CNTN4: variants seen among roughly 807,000 people sequenced by gnomAD.
The protein encoded by CNTN4 is contactin 4, also known as contactin-4.
A neutral mutation model predicts 122.5 loss-of-function variants in CNTN4; 77 were observed. The observed-to-expected ratio is 0.63, with a 90% CI of 0.52 to 0.76. CNTN4 has a LOEUF of 0.76. Among genes scored for constraint, CNTN4 ranks in the 30% least tolerant of loss-of-function variants. The probability of loss-of-function intolerance (pLI) is 0.00; values close to 1 mark genes in which losing one functional copy is unlikely to be tolerated. For missense variants in CNTN4, 1,256 were observed against 1,259.1 expected, an observed-to-expected ratio of 1.00 and a Z score of 0.04; for synonymous variants, 512 against 447.0, an observed-to-expected ratio of 1.15 and a Z score of -1.83.
chr3:2,112,925 A>G (rs1203945993), intron 2 of CNTN4, among the ~76,000 whole-genome samples: 2 of 152,062 alleles, frequency 1.3e-5, no homozygotes, highest in Non-Finnish European at 2.9e-5. Context: ...ATGCCCTAGT[A>G]TTCTCCCCTG....
At chr3:2,888,156 T>G (rs1322849707) in intron 10 of CNTN4, among the ~76,000 whole-genome samples, 1 of 152,228 alleles carries the variant, frequency 6.6e-6, no homozygotes, top group Non-Finnish European at 1.5e-5. Flanking sequence ...CAAAGCATTT[T>G]GGTTTTAAGA....
At chr3:2,126,387 G>A (rs925366993) in intron 2 of CNTN4, among the ~76,000 whole-genome samples, 10 of 152,118 alleles carry the variant, frequency 6.6e-5, no homozygotes, top group South Asian at 2.1e-4. Context: ...ATATATGAAT[G>A]AATTCTAATT....
At position 2,340,710 on chromosome 3, in the gene CNTN4, T is replaced by TATATATAGAGAGAGAGAGAGAG; in HGVS notation, c.-89+1478_-89+1479insTATATAGAGAGAGAGAGAGAGA. On this transcript the variant is annotated intron_variant, in intron 3 of 24. Transcript: ENST00000418658. ...TTATATATATATATATATATATATA[T>TATATATAGAGAGAGAGAGAGAG]AGAGAGAGAGAGAGAGAGAGAGAGA... Among the ~76,000 whole-genome samples, 7 of 18,304 alleles carry TATATATAGAGAGAGAGAGAGAG rather than the reference T, an allele frequency of 3.8e-4. 1 individual carries two copies. Among genetic ancestry groups the TATATATAGAGAGAGAGAGAGAG allele is most frequent in the Non-Finnish European group, 9.7e-4 (6 of 6,158 alleles). 12.0% of individuals were successfully genotyped at this position (18,304 alleles called of 152,430 possible).
chr3:2,582,595 T>G (rs908729331), intron 4 of CNTN4, among the ~76,000 whole-genome samples: 1 of 152,186 alleles, frequency 6.6e-6, no homozygotes, highest in Non-Finnish European at 1.5e-5. Context: ...GAGTGAACTC[T>G]CTCATGTTAA....
intron 2 of CNTN4, among the ~76,000 whole-genome samples, chr3:2,176,167 T>G (rs1046568005): frequency 6.6e-5 from 10 of 152,164 alleles, no homozygotes; most frequent in African/African-American, 2.4e-4. Flanking sequence ...ATGTAGCCAA[T>G]GACAGGCCTT....
At chr3:2,798,277 TTG>T (rs905569644) in intron 6 of CNTN4, among the ~76,000 whole-genome samples, 35 of 103,786 alleles carry the variant, frequency 3.4e-4, no homozygotes, top group Admixed American at 6.3e-4. Flanking sequence ...TAGTATTCCA[TTG>T]TGTGTGTGTG....
At chr3:2,643,104 C>T (rs1316716143) in intron 4 of CNTN4, among the ~76,000 whole-genome samples, 1 of 152,134 alleles carries the variant, frequency 6.6e-6, no homozygotes, top group Non-Finnish European at 1.5e-5. Context: ...CTATGGAGCC[C>T]CTTTTATCTC....
intron 3 of CNTN4, among the ~76,000 whole-genome samples, chr3:2,369,689 A>G (rs1392821667): frequency 6.6e-6 from 1 of 152,010 alleles, no homozygotes; most frequent in Admixed American, 6.6e-5. Flanking sequence ...TTGGAAATAT[A>G]TTTACATCTT....
At chr3:2,527,025 CGTA>C (rs1206356314) in intron 3 of CNTN4, among the ~76,000 whole-genome samples, 3 of 152,116 alleles carry the variant, frequency 2.0e-5, no homozygotes, top group African/African-American at 7.2e-5. Flanking sequence ...TCTCAGAAAA[CGTA>C]GAAGACAGAT....
At chr3:2,681,488 T>A (rs1337461760) in intron 4 of CNTN4, among the ~76,000 whole-genome samples, 1 of 152,148 alleles carries the variant, frequency 6.6e-6, no homozygotes, top group South Asian at 2.1e-4. Flanking sequence ...AGAACTTATA[T>A]GGCTAGAGGT....
At chr3:2,464,599 C>G (rs2075431410) in intron 3 of CNTN4, among the ~76,000 whole-genome samples, 1 of 152,230 alleles carries the variant, frequency 6.6e-6, no homozygotes, top group African/African-American at 2.4e-5. Context: ...TCACAATCGC[C>G]TGGGGACGAA....
At chr3:2,260,693 GTTTTC>G (rs1056413777) in intron 2 of CNTN4, among the ~76,000 whole-genome samples, 89 of 150,668 alleles carry the variant, frequency 5.9e-4, no homozygotes, top group African/African-American at 1.9e-3. Flanking sequence ...ACAGATTTAA[GTTTTC>G]TTTTCTTTTC....
chr3:2,705,757 T>TATAATATATATTTATTATATATAATAC lies in CNTN4; in HGVS notation c.56-30444_56-30418dup, dbSNP rs1294004955. 1.7e-3 allele frequency among the ~76,000 whole-genome samples: 175 copies of TATAATATATATTTATTATATATAATAC among 101,352 alleles called. 1 individual carries two copies. Among genetic ancestry groups the TATAATATATATTTATTATATATAATAC allele is most frequent in the African/African-American group, 7.0e-3 (161 of 22,954 alleles). The allele number at this position is 101,352 out of a possible 152,430, so 66.5% of individuals were successfully genotyped here. On this transcript the variant is annotated intron_variant, in intron 4 of 24. Transcript: ENST00000418658. ...TATATGATATATATGATATATAATA[T>TATAATATATATTTATTATATATAATAC]ATAATATATATTTATTATATATAAT...
chr3:2,545,286 G>A (rs950571390), intron 3 of CNTN4, among the ~76,000 whole-genome samples: 3 of 152,064 alleles, frequency 2.0e-5, no homozygotes, highest in African/African-American at 7.2e-5. Flanking sequence ...GTCCAATTGT[G>A]TGGTCAAATT....
intron 3 of CNTN4, among the ~76,000 whole-genome samples, chr3:2,412,903 G>A (rs2047277898): frequency 6.6e-6 from 1 of 152,120 alleles, no homozygotes; most frequent in South Asian, 2.1e-4. Context: ...AAATAAAAAA[G>A]GATATTAGAA....
At chr3:2,679,069 A>G (rs968309659) in intron 4 of CNTN4, among the ~76,000 whole-genome samples, 3 of 152,208 alleles carry the variant, frequency 2.0e-5, no homozygotes, top group Non-Finnish European at 4.4e-5. Flanking sequence ...ACAAAACAGG[A>G]CATGCTAATA....
chr3:2,494,886 A>C (rs2076413641), intron 3 of CNTN4, among the ~76,000 whole-genome samples: 2 of 152,170 alleles, frequency 1.3e-5, no homozygotes, highest in Non-Finnish European at 2.9e-5. Flanking sequence ...TATGTACAAT[A>C]TGTTTTCCAT....
At chr3:2,793,780 C>G (rs1422479795) in intron 6 of CNTN4, among the ~76,000 whole-genome samples, 1 of 152,170 alleles carries the variant, frequency 6.6e-6, no homozygotes, top group Non-Finnish European at 1.5e-5. Context: ...ATTACAGTTA[C>G]TGACTACAGA....
chr3:2,375,798 C>G (rs1368247807), intron 3 of CNTN4, among the ~76,000 whole-genome samples: 1 of 152,026 alleles, frequency 6.6e-6, no homozygotes, highest in Non-Finnish European at 1.5e-5. Context: ...TGGTAAAAAT[C>G]TAAGAATAAC....
Sources: gnomAD v4.1 joint callset for allele counts (sites outside exome capture counted in the v4.1 genomes callset) on GRCh38, gnomAD v4.1.1 for gene constraint, MANE v1.5 for transcripts, NCBI Gene and HGNC (gene_info 2026-07-23, HGNC 2026-07-21) for gene names.